Variants in ARL4C observed in about 807,000 individuals in gnomAD.
ARL4C encodes the protein ARF like GTPase 4C.
Under a neutral mutation model 12.8 loss-of-function variants are expected in ARL4C, and 5 were observed. The observed-to-expected ratio is 0.39, with a 90% confidence interval of 0.20 to 0.82. ARL4C has a LOEUF of 0.82. ARL4C is among the 40% of genes least tolerant of loss of function. ARL4C has a pLI of 0.39. For missense variants in ARL4C, 148 were observed against 265.2 expected (o/e 0.56, Z 3.07); for synonymous variants, 119 against 119.4 (o/e 1.00, Z 0.02).
rs1559295625 is a variant in ARL4C at position 234,493,961 on chromosome 2, G to T, written c.*1845C>A. On this transcript the variant is annotated 3_prime_UTR_variant, in exon 2 of 2. Coordinates refer to ENST00000339728, the MANE Select transcript of ARL4C (RefSeq NM_001282431.2). ...CAAATACACCGACAAAAGAGAAAAAGCAGATGGGCTGCTAGGTTTCTGCTT... is the reference window on the plus strand; with the variant it reads ...CAAATACACCGACAAAAGAGAAAAATCAGATGGGCTGCTAGGTTTCTGCTT... 2 of 152,700 alleles carry T rather than the reference G, an allele frequency of 1.3e-5. No homozygotes were observed. Among genetic ancestry groups the T allele is most frequent in the African/African-American group, 4.8e-5 (2 of 41,562 alleles). The allele number at this position is 152,700 out of a possible 1,614,324, so 9.5% of individuals were successfully genotyped here.
chr2:234,495,436 C>A lies in ARL4C; in HGVS notation c.*370G>T. ...AGGACAAATGAAATTTCAACAGGGG[C>A]CTGCCCTGTGACCGAAAATTACTCA... On this transcript the variant is annotated 3_prime_UTR_variant, in exon 2 of 2. Coordinates refer to ENST00000339728, the MANE Select transcript of ARL4C (RefSeq NM_001282431.2). The A allele has an allele frequency of 2.5e-6, 1 of 404,474 alleles. No individual in the cohort carries two copies. Among genetic ancestry groups the A allele is most frequent in the East Asian group, 5.4e-5 (1 of 18,368 alleles). The allele number at this position is 404,474 out of a possible 1,614,324, so 25.1% of individuals were successfully genotyped here.
rs1336044625 is a variant in ARL4C at position 234,496,653 on chromosome 2, G to T, written c.-67C>A. 3.6e-6 allele frequency: 4 copies of T among 1,097,848 alleles called. No homozygotes were observed. The highest frequency in any genetic ancestry group is 8.2e-5 in the East Asian group (2 of 24,306). 68.0% of individuals were successfully genotyped at this position (1,097,848 alleles called of 1,614,324 possible). A position where few individuals can be genotyped will look rare whatever the true frequency, so the allele number is the denominator to read the frequency against. ...GGGCGCCGCCCCCCGAGCAGTCACG[G>T]GCCCGACGCGGCCGGGCGCACCTGG... On this transcript the variant is annotated 5_prime_UTR_variant, in exon 1 of 2. Coordinates refer to ENST00000339728, the MANE Select transcript of ARL4C (RefSeq NM_001282431.2).
Position 234,496,099 on chromosome 2 carries a change from A to G in ARL4C, c.488T>C (p.Ile163Thr). 2 of 1,613,698 alleles carry G rather than the reference A, an allele frequency of 1.2e-6. No homozygotes were observed. The highest frequency in any genetic ancestry group is 1.7e-6 in the Non-Finnish European group (2 of 1,179,860). ...GCCCTCGGTGAGGCCCTCGCCGATG[A>G]TGGCGCACGCCGGCTGGACGTGATA... ...TTYHVQPACAIIGEGLTEGMD... is the reference protein window; with the variant it reads ...TTYHVQPACATIGEGLTEGMD... The change falls in exon 1 of 2, where the codon ATC (isoleucine) becomes ACC (threonine). Residue 163 changes from isoleucine to threonine, a missense_variant. Coordinates refer to ENST00000339728, the MANE Select transcript of ARL4C (RefSeq NM_001282431.2).
Position 234,496,358 on chromosome 2 carries a change from G to A in ARL4C, c.229C>T (p.Pro77Ser). The stretch of plus-strand genomic sequence containing the variant: ...CAGCGGCTGTAGGACTTCCACAGCG[G>A]CCGCAGCTTCTCCTGGCCGCCCACG... ...WDVGGQEKLR[P>S]LWKSYSRCTD... Residue 77 changes from proline (P) to serine (S), a missense_variant, in exon 1 of 2, where the codon CCG (proline) becomes TCG (serine). Physicochemically the swap from Pro to Ser is moderately conservative, Grantham distance 74. Coordinates refer to ENST00000339728, the MANE Select transcript of ARL4C (RefSeq NM_001282431.2). 1 of 1,613,044 alleles carries A rather than the reference G, an allele frequency of 6.2e-7. No homozygotes were observed. The highest frequency in any genetic ancestry group is 1.1e-5 in the South Asian group (1 of 90,996).
At chr2:234,495,943 ACCAT>A (rs1398941724) in intron 1 of ARL4C, 65 bp downstream of exon 1, 3 of 1,608,314 alleles carry the variant, frequency 1.9e-6, no homozygotes, top group African/African-American at 2.7e-5. Flanking sequence ...CATCCATCCA[ACCAT>A]CCATCCATCC....
rs888942471 is a variant in ARL4C, at chr2:234,495,517, C to G, written c.*289G>C. On this transcript the variant is annotated 3_prime_UTR_variant, in exon 2 of 2. Transcript: ENST00000339728. ...GGTCCCCCCAGAACCAACATGCCCC[C>G]CAAGGTGGGTACGCCCACGGTTCTG... The G allele has an allele frequency of 5.2e-6, 3 of 574,450 alleles. No homozygotes were observed. The highest frequency in any genetic ancestry group is 3.7e-5 in the African/African-American group (2 of 53,388). 35.6% of individuals were successfully genotyped at this position (574,450 alleles called of 1,614,324 possible).
Position 234,495,643 on chromosome 2 carries a change from C to G in ARL4C, c.*163G>C. ...AGGAGTGGGAAGAAATCGCTTTTGT[C>G]TTTCCGACAACTGAGCCTTCCACCT... On this transcript the variant is annotated 3_prime_UTR_variant, in exon 2 of 2. Coordinates refer to ENST00000339728, the MANE Select transcript of ARL4C (RefSeq NM_001282431.2). 1.1e-6 allele frequency: 1 copy of G among 882,288 alleles called. No homozygotes were observed. Among genetic ancestry groups the G allele is most frequent in the South Asian group, 1.5e-5 (1 of 64,758 alleles). The allele number at this position is 882,288 out of a possible 1,614,324, so 54.7% of individuals were successfully genotyped here.
chr2:234,495,920 TCATCCATC>T (rs987125872), intron 1 of ARL4C, 84 bp from the exon 2 acceptor site: 14 of 1,607,102 alleles, frequency 8.7e-6, no homozygotes, highest in Non-Finnish European at 1.2e-5. Context: ...GGGTTCTCGC[TCATCCATC>T]CATCCATCCA....
chr2:234,496,012 CGCTTCTTCTTCT>C lies in ARL4C; in HGVS notation c.563_574del (p.Gln188_Lys191del). ...TCCCCGGTCGCTCCGGGCGCATTACCGCTTCTTCTTCTGCTTGAGGGACTTCCTGCGTTTCAG... is the reference window on the plus strand; with the variant it reads ...TCCCCGGTCGCTCCGGGCGCATTACCGCTTGAGGGACTTCCTGCGTTTCAG... On this transcript the variant is annotated inframe_deletion and splice_region_variant, in exon 1 of 2. Transcript: ENST00000339728. The C allele has an allele frequency of 2.5e-6, 4 of 1,605,770 alleles. No individual in the cohort carries two copies. The highest frequency in any genetic ancestry group is 3.4e-6 in the Non-Finnish European group (4 of 1,175,256).
rs772695676 is a variant in ARL4C at position 234,496,603 on chromosome 2, G to GCCAGCCGCTGCGGCC, written c.-18_-17insGGCCGCAGCGGCTGG. 4.1e-6 allele frequency: 6 copies of GCCAGCCGCTGCGGCC among 1,460,446 alleles called. No homozygotes were observed. The highest frequency in any genetic ancestry group is 5.4e-6 in the Non-Finnish European group (6 of 1,106,410). 90.5% of individuals were successfully genotyped at this position (1,460,446 alleles called of 1,614,324 possible). A position where few individuals can be genotyped will look rare whatever the true frequency, so the allele number is the denominator to read the frequency against. On this transcript the variant is annotated 5_prime_UTR_variant, in exon 1 of 2. Coordinates refer to ENST00000339728, the MANE Select transcript of ARL4C (RefSeq NM_001282431.2). ...GTTGCCCATGGCTCCTGGCTGCGGC[G>GCCAGCCGCTGCGGCC]CCAGCCACTGCGGCTGCGGCGGGAG... is the stretch of plus-strand genomic sequence containing the variant.
Position 234,495,743 on chromosome 2 carries a change from G to C in ARL4C, c.*63C>G. ...GCCCCCCGACCTGGTCAGTAGCTCT[G>C]GCGTTCAGACAAAAGGTCCCCTGAG... is the stretch of plus-strand genomic sequence containing the variant. On this transcript the variant is annotated 3_prime_UTR_variant, in exon 2 of 2. Coordinates refer to ENST00000339728, the MANE Select transcript of ARL4C (RefSeq NM_001282431.2). The C allele has an allele frequency of 6.3e-7, 1 of 1,593,324 alleles. No homozygotes were observed. Among genetic ancestry groups the C allele is most frequent in the Non-Finnish European group, 8.5e-7 (1 of 1,175,200 alleles).
Position 234,496,576 on chromosome 2 carries a change from A to ATGT in ARL4C, c.8_10dup (p.Asn3dup). 1 of 1,556,766 alleles carries ATGT rather than the reference A, an allele frequency of 6.4e-7. No homozygotes were observed. The highest frequency in any genetic ancestry group is 8.7e-7 in the Non-Finnish European group (1 of 1,151,052). The stretch of plus-strand genomic sequence containing the variant: ...CTGGAAGGCCGAGATGTTAGAGGAG[A>ATGT]TGTTGCCCATGGCTCCTGGCTGCGG... On this transcript the variant is annotated inframe_insertion, in exon 1 of 2. Transcript: ENST00000339728.
At position 234,494,244 on chromosome 2, in the gene ARL4C, A is replaced by G. The variant is rs116525028; in HGVS notation, c.*1562T>C. The G allele has an allele frequency of 0.04, 6,096 of 152,778 alleles. 156 individuals are homozygous for G. The highest frequency in any genetic ancestry group is 0.057 in the Non-Finnish European group (3,850 of 68,034). The allele number at this position is 152,778 out of a possible 1,614,324, so 9.5% of individuals were successfully genotyped here. On this transcript the variant is annotated 3_prime_UTR_variant, in exon 2 of 2. Transcript: ENST00000339728. ...ATAAAAAAATCAAACAGTATGTTTTAAGTTTCCCTTTTGATACTGTGTTTC... is the reference window on the plus strand; with the variant it reads ...ATAAAAAAATCAAACAGTATGTTTTGAGTTTCCCTTTTGATACTGTGTTTC...
Position 234,496,558 on chromosome 2 carries a change from G to A in ARL4C, c.29C>T (p.Ala10Val). Residue 10 changes from alanine to valine, a missense_variant, in exon 1 of 2, where the codon GCC becomes GTC. By Grantham distance (64) the Ala-to-Val change is moderately conservative. This residue lies in a region of ARL4C where 51 missense variants were observed against 127.9 expected (regional missense o/e 0.40). Coordinates refer to ENST00000339728, the MANE Select transcript of ARL4C (RefSeq NM_001282431.2). ...CATGACGATATGCAGGGACTGGAAG[G>A]CCGAGATGTTAGAGGAGATGTTGCC... MGNISSNIS[A>V]FQSLHIVMLG... 1 of 1,598,868 alleles carries A rather than the reference G, an allele frequency of 6.3e-7. No individual in the cohort carries two copies. Among genetic ancestry groups the A allele is most frequent in the Non-Finnish European group, 8.5e-7 (1 of 1,173,100 alleles).
In ARL4C at chr2:234,497,048, A is replaced by ACAGTCCCCG. The variant is rs373769280; in HGVS notation, c.-471_-463dup. 0.42 allele frequency: 60,674 copies of ACAGTCCCCG among 144,992 alleles called. 13,281 individuals carry two copies. The highest frequency in any genetic ancestry group is 0.54 in the African/African-American group (21,107 of 39,340). The allele number at this position is 144,992 out of a possible 1,614,324, so 9.0% of individuals were successfully genotyped here. On this transcript the variant is annotated 5_prime_UTR_variant, in exon 1 of 2. Transcript: ENST00000339728. ...GAGTCGCTGTCCGCTCGGCAGCCTC[A>ACAGTCCCCG]CAGTCCCCGCGCCGCCGCAGCAGCC... is the stretch of plus-strand genomic sequence containing the variant.
At position 234,496,245 on chromosome 2, in the gene ARL4C, G is replaced by A. The variant is rs2106235573; in HGVS notation, c.342C>T (p.Phe114=). The A allele has an allele frequency of 6.3e-7, 1 of 1,584,318 alleles. No individual in the cohort carries two copies. Among genetic ancestry groups the A allele is most frequent in the Non-Finnish European group, 8.6e-7 (1 of 1,164,050 alleles). ...AKTELHKVTK[F]AENQGTPLLV... is the part of the protein sequence containing the mutation. ...GCAGCGGCGTGCCCTGGTTCTCGGC[G>A]AACTTGGTCACCTTGTGCAGCTCCG... Residue 114 remains phenylalanine (F), a synonymous_variant, in exon 1 of 2, where the codon TTC becomes TTT. Coordinates refer to ENST00000339728, the MANE Select transcript of ARL4C (RefSeq NM_001282431.2).
Position 234,496,503 on chromosome 2 carries a change from C to A in ARL4C, c.84G>T (p.Thr28=), listed in dbSNP as rs1177348066. 6.2e-7 allele frequency: 1 copy of A among 1,613,408 alleles called. No individual in the cohort carries two copies. Among genetic ancestry groups the A allele is most frequent in the Non-Finnish European group, 8.5e-7 (1 of 1,179,824 alleles). The change falls in exon 1 of 2, where the codon ACG becomes ACT. Residue 28 remains threonine (T), a synonymous_variant. Coordinates refer to ENST00000339728, the MANE Select transcript of ARL4C (RefSeq NM_001282431.2). ...MLGLDSAGKT[T]VLYRLKFNEF... ...CGTTGAACTTGAGCCGGTAGAGCAC[C>A]GTGGTCTTGCCGGCCGAGTCCAAGC...
rs200570584 is a variant in ARL4C, at chr2:234,493,765, A to AT, written c.*2040dup. ...ATGTGAAGAAAATAAAGAAAGATGGATTTTTTTTTTAATAATTCTATACAG... is the reference window on the plus strand; with the variant it reads ...ATGTGAAGAAAATAAAGAAAGATGGATTTTTTTTTTTAATAATTCTATACAG... On this transcript the variant is annotated 3_prime_UTR_variant, in exon 2 of 2. Transcript: ENST00000339728. 6,098 of 151,370 alleles carry AT rather than the reference A, an allele frequency of 0.04. 149 individuals carry two copies. The highest frequency in any genetic ancestry group is 0.057 in the Non-Finnish European group (3,857 of 67,688). 9.4% of individuals were successfully genotyped at this position (151,370 alleles called of 1,614,324 possible). A position where few individuals can be genotyped will look rare whatever the true frequency, so the allele number is the denominator to read the frequency against.
Position 234,493,995 on chromosome 2 carries a change from T to C in ARL4C, c.*1811A>G, listed in dbSNP as rs1284441792. On this transcript the variant is annotated 3_prime_UTR_variant, in exon 2 of 2. Transcript: ENST00000339728. ...CTGCTAGGTTTCTGCTTTTAAAAAA[T>C]TTCATATAAGAATTGGGTTTCAAGC... 2 of 152,536 alleles carry C rather than the reference T, an allele frequency of 1.3e-5. No homozygotes were observed. Among genetic ancestry groups the C allele is most frequent in the African/African-American group, 4.8e-5 (2 of 41,432 alleles). 9.4% of individuals were successfully genotyped at this position (152,536 alleles called of 1,614,324 possible).
Sources: allele counts gnomAD v4.1 joint callset, GRCh38; gene constraint gnomAD v4.1.1; regional missense constraint gnomAD v4.1.1; transcripts MANE v1.5; gene names NCBI Gene and HGNC (gene_info 2026-07-23, HGNC 2026-07-21).